TMTC1: variants seen among roughly 807,000 people sequenced by gnomAD.
The protein encoded by TMTC1 is protein O-mannosyl-transferase TMTC1.
In TMTC1, 73 loss-of-function variants were observed where a neutral mutation model predicts 104.8. The ratio of observed to expected loss-of-function variants is 0.70; its 90% confidence interval spans 0.58 to 0.85. The LOEUF (loss-of-function observed/expected upper bound fraction) is 0.85. Among genes scored for constraint, TMTC1 ranks in the 40% least tolerant of loss-of-function variants. The probability of loss-of-function intolerance (pLI) is 0.00; values close to 1 mark genes in which losing one functional copy is unlikely to be tolerated. For missense variants in TMTC1, 1,035 were observed against 1,096.1 expected, an observed-to-expected ratio of 0.94 and a Z score of 0.79; for synonymous variants, 434 against 428.7, an observed-to-expected ratio of 1.01 and a Z score of -0.15.
At chr12:29,606,678 C>T (rs1207288775) in intron 6 of TMTC1, among the ~76,000 whole-genome samples, 1 of 152,144 alleles carries the variant, frequency 6.6e-6, no homozygotes, top group Non-Finnish European at 1.5e-5. Context: ...ATAAACAGAA[C>T]AATGATCAGG....
intron 7 of TMTC1, 126 bp from the exon 8 acceptor site, chr12:29,583,700 C>T: frequency 4.8e-6 from 4 of 831,522 alleles, no homozygotes; most frequent in Non-Finnish European, 5.5e-6. Context: ...ATAGAAACTC[C>T]CCTGCCTTGG....
intron 6 of TMTC1, among the ~76,000 whole-genome samples, chr12:29,620,790 C>T (rs1937633475): frequency 6.6e-6 from 1 of 152,200 alleles, no homozygotes; most frequent in African/African-American, 2.4e-5. Flanking sequence ...CATAGCAGAA[C>T]ATTATCAGCA....
chr12:29,727,757 T>A (rs1942435566), intron 5 of TMTC1, among the ~76,000 whole-genome samples: 1 of 151,460 alleles, frequency 6.6e-6, no homozygotes, highest in African/African-American at 2.4e-5. Flanking sequence ...CTGCAGTTGT[T>A]GCAAAAGGAT....
intron 12 of TMTC1, chr12:29,519,223 T>A (rs1944079444): frequency 6.7e-6 from 1 of 149,764 alleles, no homozygotes; most frequent in Non-Finnish European, 1.5e-5. Context: ...CTTACATTTG[T>A]ATGGTTTTTG....
intron 5 of TMTC1, among the ~76,000 whole-genome samples, chr12:29,710,854 A>T: frequency 7.3e-6 from 1 of 136,534 alleles, no homozygotes; most frequent in Non-Finnish European, 1.5e-5. Flanking sequence ...ATAATATATA[A>T]ATATATTAAT....
intron 4 of TMTC1, among the ~76,000 whole-genome samples, chr12:29,752,389 T>C (rs302335): frequency 0.42 from 63,134 of 152,000 alleles, 13,544 homozygotes; most frequent in Admixed American, 0.55. Context: ...TACCAAGGGA[T>C]GATCAGAAAG....
chr12:29,772,436 C>G (rs1298046691), intron 1 of TMTC1, among the ~76,000 whole-genome samples: 2 of 152,132 alleles, frequency 1.3e-5, no homozygotes, highest in Non-Finnish European at 2.9e-5. Flanking sequence ...GGCAATAAGA[C>G]AGTCAAAATG....
At chr12:29,622,703 AT>A (rs1227762282) in intron 6 of TMTC1, among the ~76,000 whole-genome samples, 3 of 152,232 alleles carry the variant, frequency 2.0e-5, no homozygotes, top group Admixed American at 6.5e-5. Context: ...GTTAAAAACA[AT>A]TCGATCCAAT....
intron 5 of TMTC1, among the ~76,000 whole-genome samples, chr12:29,744,910 T>G (rs572448643): frequency 6.6e-6 from 1 of 152,094 alleles, no homozygotes; most frequent in Admixed American, 6.5e-5. Context: ...TTTTTGAAAA[T>G]AAGTTTTGTA....
chr12:29,643,488 AATATTAT>A (rs1050700473), intron 5 of TMTC1, among the ~76,000 whole-genome samples: 2 of 83,536 alleles, frequency 2.4e-5, no homozygotes, highest in Non-Finnish European at 4.5e-5. Context: ...GAATATAAAA[AATATTAT>A]ATATTATATA....
At chr12:29,784,494 A>G (rs1383104667), upstream of TMTC1, 1 of 152,128 alleles carries the variant, frequency 6.6e-6, no homozygotes, top group Admixed American at 6.5e-5. Flanking sequence ...TGGCGGAGGA[A>G]CCCGCGGGGA....
intron 7 of TMTC1, among the ~76,000 whole-genome samples, chr12:29,591,032 G>A (rs181826048): frequency 5.9e-4 from 90 of 152,274 alleles, no homozygotes; most frequent in Middle Eastern, 3.4e-3. Flanking sequence ...GTCAGCACCT[G>A]TATCAAATAA....
intron 5 of TMTC1, among the ~76,000 whole-genome samples, chr12:29,670,940 A>AAAAAAAAAAG (rs1190495474): frequency 8.0e-6 from 1 of 125,058 alleles, no homozygotes; most frequent in Non-Finnish European, 1.7e-5. Flanking sequence ...GTCTCAAAAA[A>AAAAAAAAAAG]AAAGAAAAAA....
chr12:29,588,467 C>G (rs1435699010), intron 7 of TMTC1, among the ~76,000 whole-genome samples: 1 of 152,216 alleles, frequency 6.6e-6, no homozygotes, highest in Non-Finnish European at 1.5e-5. Context: ...CCAAACTGAG[C>G]AGGGCATCCT....
chr12:29,548,899 T>A (rs10734774), intron 10 of TMTC1, among the ~76,000 whole-genome samples: 108,087 of 141,508 alleles, frequency 0.76, 41,384 homozygotes, highest in Middle Eastern at 0.86. Context: ...CAATATATAA[T>A]TATTAATATA....
At chr12:29,514,074 T>C (rs1565635765) in intron 16 of TMTC1, among the ~76,000 whole-genome samples, 3 of 152,158 alleles carry the variant, frequency 2.0e-5, no homozygotes, top group South Asian at 4.1e-4. Context: ...GACTGTATCT[T>C]GGTGGATGAG....
In TMTC1 at chr12:29,555,134, C is replaced by CTTTTTTTT. The variant is rs77513599; in HGVS notation, c.1676+1715_1676+1722dup. On this transcript the variant is annotated intron_variant, in intron 10 of 17. Transcript: ENST00000539277. ...GGGTTTAGGATTCAGTTCCAACATC[C>CTTTTTTTT]TTTTTTTTTTTTTTTTTTTTTGAGA... 2.2e-4 allele frequency among the ~76,000 whole-genome samples: 19 copies of CTTTTTTTT among 88,210 alleles called. 1 individual carries two copies. Among genetic ancestry groups the CTTTTTTTT allele is most frequent in the Non-Finnish European group, 2.6e-4 (13 of 50,452 alleles). 57.9% of individuals were successfully genotyped at this position (88,210 alleles called of 152,430 possible).
chr12:29,638,205 C>T (rs1591839146), intron 5 of TMTC1, among the ~76,000 whole-genome samples: 1 of 152,238 alleles, frequency 6.6e-6, no homozygotes, highest in African/African-American at 2.4e-5. Context: ...CCCACCATGA[C>T]CCCCATCTTG....
At chr12:29,507,255 G>T (rs906739202) in intron 17 of TMTC1, among the ~76,000 whole-genome samples, 3 of 152,170 alleles carry the variant, frequency 2.0e-5, no homozygotes, top group African/African-American at 7.2e-5. Flanking sequence ...TTCTACTAAT[G>T]CAGGGTGTGA....
Sources: gnomAD v4.1 joint callset for allele counts (sites outside exome capture counted in the v4.1 genomes callset) on GRCh38, gnomAD v4.1.1 for gene constraint, MANE v1.5 for transcripts, NCBI Gene and HGNC (gene_info 2026-07-23, HGNC 2026-07-21) for gene names.